The following NPAS3 variants were observed in gnomAD, a reference collection of about 807,000 sequenced individuals.
The protein encoded by NPAS3 is neuronal PAS domain-containing protein 3.
A neutral mutation model predicts 73.1 loss-of-function variants in NPAS3; 14 were observed. The observed-to-expected ratio is 0.19, with a 90% CI of 0.13 to 0.30. NPAS3 has a LOEUF of 0.30. NPAS3 is among the 10% of genes least tolerant of loss of function. The pLI, the probability that NPAS3 is intolerant of heterozygous loss-of-function variation, is 1.00. For missense variants in NPAS3, 1,096 were observed against 1,250.0 expected, an observed-to-expected ratio of 0.88 and a Z score of 1.86; for synonymous variants, 620 against 541.5, an observed-to-expected ratio of 1.14 and a Z score of -2.01.
At chr14:33,218,162 C>G (rs925408310) in intron 3 of NPAS3, among the ~76,000 whole-genome samples, 3 of 152,018 alleles carry the variant, frequency 2.0e-5, no homozygotes, top group African/African-American at 7.2e-5. Flanking sequence ...GTTTAGAAAC[C>G]TGGAAGGAGA....
intron 6 of NPAS3, among the ~76,000 whole-genome samples, chr14:33,718,018 G>C (rs2061003740): frequency 6.6e-6 from 1 of 150,856 alleles, no homozygotes; most frequent in South Asian, 2.1e-4. Context: ...TTTTAAGTGA[G>C]TACCCAATAC....
rs559908912 is a variant in NPAS3, at chr14:33,748,367, C to T, written c.852+13035C>T. On this transcript the variant is annotated intron_variant, in intron 7 of 11. Transcript: ENST00000356141. ...TTGACACATTCTATGACATATTTTT[C>T]ATGCTATCATATTCAGTTTTTTAAA... 3.3e-5 allele frequency among the ~76,000 whole-genome samples: 5 copies of T among 152,276 alleles called. No homozygotes were observed. The South Asian group carries it at 1.0e-3, about 32-fold the overall frequency.
chr14:33,446,994 A>G (rs903425687), intron 4 of NPAS3, among the ~76,000 whole-genome samples: 5 of 152,344 alleles, frequency 3.3e-5, no homozygotes, highest in Non-Finnish European at 5.9e-5. Context: ...CCAAATAGCA[A>G]TATGCACGAG....
chr14:33,366,177 G>A (rs1307559811), intron 3 of NPAS3, among the ~76,000 whole-genome samples: 1 of 151,966 alleles, frequency 6.6e-6, no homozygotes, highest in African/African-American at 2.4e-5. Context: ...TGACCACGAC[G>A]CATCCCTGGA....
At chr14:32,978,888 C>T (rs1227768660) in intron 1 of NPAS3, among the ~76,000 whole-genome samples, 1 of 152,184 alleles carries the variant, frequency 6.6e-6, no homozygotes, top group Non-Finnish European at 1.5e-5. Flanking sequence ...TCTAAGGTGA[C>T]ACCCTTTGAA....
At chr14:33,646,527 C>T (rs781202294) in intron 5 of NPAS3, among the ~76,000 whole-genome samples, 7 of 152,194 alleles carry the variant, frequency 4.6e-5, no homozygotes, top group South Asian at 4.2e-4. Flanking sequence ...ATATGAGTAA[C>T]GATGAAATTA....
At chr14:33,419,336 C>T (rs991754735) in intron 4 of NPAS3, among the ~76,000 whole-genome samples, 8 of 151,730 alleles carry the variant, frequency 5.3e-5, no homozygotes, top group African/African-American at 7.2e-5. Flanking sequence ...ATAACATCAA[C>T]GCATTTTTTT....
chr14:33,011,160 G>T (rs1440073664), intron 1 of NPAS3, among the ~76,000 whole-genome samples: 3 of 152,120 alleles, frequency 2.0e-5, no homozygotes, highest in African/African-American at 7.2e-5. Context: ...TGATGTGGTG[G>T]CACACTGAGC....
chr14:33,323,481 A>G (rs1566795751), intron 3 of NPAS3, among the ~76,000 whole-genome samples: 1 of 152,204 alleles, frequency 6.6e-6, no homozygotes, highest in African/African-American at 2.4e-5. Context: ...GGCACTGATC[A>G]CAATGTTCAG....
intron 5 of NPAS3, among the ~76,000 whole-genome samples, chr14:33,659,460 C>T (rs1321091268): frequency 6.6e-6 from 1 of 152,166 alleles, no homozygotes; most frequent in African/African-American, 2.4e-5. Context: ...ACCTGACTGT[C>T]CCAGAACCCA....
intron 9 of NPAS3, among the ~76,000 whole-genome samples, chr14:33,791,299 T>G (rs2063352768): frequency 6.6e-6 from 1 of 152,254 alleles, no homozygotes; most frequent in Admixed American, 6.5e-5. Context: ...TCAGTCTTTT[T>G]ACAGATACCT....
intron 2 of NPAS3, among the ~76,000 whole-genome samples, chr14:33,100,609 C>T (rs575083536): frequency 3.3e-5 from 5 of 152,106 alleles, no homozygotes; most frequent in South Asian, 4.1e-4. Flanking sequence ...ATTTAATTTG[C>T]GTAGTTAACT....
At chr14:33,153,367 A>T (rs1410161822) in intron 2 of NPAS3, among the ~76,000 whole-genome samples, 1 of 152,024 alleles carries the variant, frequency 6.6e-6, no homozygotes, top group African/African-American at 2.4e-5. Context: ...GTCTGGGTGA[A>T]CCATGTAGGG....
At chr14:33,252,684 G>C (rs2048633151) in intron 3 of NPAS3, among the ~76,000 whole-genome samples, 1 of 151,032 alleles carries the variant, frequency 6.6e-6, no homozygotes, top group South Asian at 2.1e-4. Flanking sequence ...GTGCATGTTT[G>C]TTACATGGGT....
At chr14:33,295,398 T>G (rs2042255589) in intron 3 of NPAS3, among the ~76,000 whole-genome samples, 1 of 152,218 alleles carries the variant, frequency 6.6e-6, no homozygotes, top group South Asian at 2.1e-4. Flanking sequence ...CACTGTGTAC[T>G]CCGCATGCTG....
At chr14:33,072,789 T>A (rs2041531094) in intron 2 of NPAS3, among the ~76,000 whole-genome samples, 1 of 152,136 alleles carries the variant, frequency 6.6e-6, no homozygotes, top group Non-Finnish European at 1.5e-5. Context: ...GGCCTTTGGT[T>A]TCCTTGAAAT....
At chr14:33,254,568 A>C (rs2048706289) in intron 3 of NPAS3, among the ~76,000 whole-genome samples, 1 of 152,186 alleles carries the variant, frequency 6.6e-6, no homozygotes, top group Non-Finnish European at 1.5e-5. Context: ...TGCCTGGCAC[A>C]GTAGGTGCTC....
intron 2 of NPAS3, among the ~76,000 whole-genome samples, chr14:33,140,488 T>C (rs1026561219): frequency 6.6e-6 from 1 of 152,158 alleles, no homozygotes; most frequent in Non-Finnish European, 1.5e-5. Context: ...GGCCAGTGTG[T>C]CTTATTTCTT....
At position 33,774,364 on chromosome 14, in the gene NPAS3, C is replaced by G. The variant is rs140216744; in HGVS notation, c.880C>G (p.Leu294Val). ...GATTCACATAACAGGCCGGCTACGCCTGAGAGTGTCGCTGTCCCACGGGAG... is the reference window on the plus strand; with the variant it reads ...GATTCACATAACAGGCCGGCTACGCGTGAGAGTGTCGCTGTCCCACGGGAG... Residue 294 changes from leucine (L) to valine (V), a missense_variant, in exon 8 of 12, where the codon CTG (leucine) becomes GTG (valine). Physicochemically the swap from Leu to Val is conservative, Grantham distance 32. Transcript: ENST00000356141. 1.7e-4 allele frequency: 281 copies of G among 1,613,870 alleles called. No individual in the cohort carries two copies. Among genetic ancestry groups the G allele is most frequent in the Non-Finnish European group, 2.3e-4 (267 of 1,179,896 alleles).
Sources: allele counts gnomAD v4.1 joint callset (sites outside exome capture counted in the v4.1 genomes callset), GRCh38; gene constraint gnomAD v4.1.1; transcripts MANE v1.5; gene names NCBI Gene and HGNC (gene_info 2026-07-23, HGNC 2026-07-21).